SOX6: variants seen among roughly 807,000 people sequenced by gnomAD.
SOX6 encodes transcription factor SOX-6.
SOX6 carries 11 observed loss-of-function variants against 97.8 expected under a neutral mutation model. The ratio of observed to expected loss-of-function variants is 0.11; its 90% CI spans 0.07 to 0.19. SOX6 has a LOEUF of 0.19. SOX6 is among the 10% of genes least tolerant of loss of function. The probability of loss-of-function intolerance (pLI) is 1.00; values close to 1 mark genes in which losing one functional copy is unlikely to be tolerated. For missense variants in SOX6, 810 were observed against 1,039.5 expected, an observed-to-expected ratio of 0.78 and a Z score of 3.04; for synonymous variants, 360 against 371.4, an observed-to-expected ratio of 0.97 and a Z score of 0.35.
chr11:16,070,217 C>T (rs2133941192), intron 9 of SOX6, among the ~76,000 whole-genome samples: 1 of 152,046 alleles, frequency 6.6e-6, no homozygotes, highest in Non-Finnish European at 1.5e-5. Context: ...GCTAAAGGTC[C>T]TCTTGACTAT....
chr11:16,159,768 T>C (rs1204341538), intron 6 of SOX6, among the ~76,000 whole-genome samples: 3 of 152,150 alleles, frequency 2.0e-5, no homozygotes, highest in Admixed American at 2.0e-4. Context: ...TGCAGAACAA[T>C]CAGACTTTTG....
At chr11:16,165,400 G>A (rs1402085401) in intron 6 of SOX6, among the ~76,000 whole-genome samples, 1 of 151,992 alleles carries the variant, frequency 6.6e-6, no homozygotes, top group Non-Finnish European at 1.5e-5. Context: ...TTAAAGAATT[G>A]AACTAAATCT....
intron 4 of SOX6, among the ~76,000 whole-genome samples, chr11:16,189,808 AGAAGG>A (rs150612981): frequency 0.012 from 1,825 of 152,230 alleles, 34 homozygotes; most frequent in African/African-American, 0.041. Context: ...ATAAGTTAAG[AGAAGG>A]TTTATTGGAT....
At chr11:16,656,938 C>A (rs992600854) in intron 3 of SOX6, among the ~76,000 whole-genome samples, 4 of 152,172 alleles carry the variant, frequency 2.6e-5, no homozygotes, top group Middle Eastern at 3.2e-3. Context: ...ATGTTTGTTA[C>A]AACTGATGAA....
chr11:16,561,159 G>A (rs905725419), intron 4 of SOX6, among the ~76,000 whole-genome samples: 1 of 152,058 alleles, frequency 6.6e-6, no homozygotes, highest in Non-Finnish European at 1.5e-5. Flanking sequence ...CAGAAATAAA[G>A]GGGAGGAATA....
chr11:16,569,368 T>C (rs1387310426), intron 4 of SOX6, among the ~76,000 whole-genome samples: 1 of 152,164 alleles, frequency 6.6e-6, no homozygotes, highest in East Asian at 1.9e-4. Context: ...GAAATTCAAA[T>C]ATCAACCACA....
intron 1 of SOX6, among the ~76,000 whole-genome samples, chr11:16,393,274 G>A (rs1216983275): frequency 2.6e-5 from 4 of 151,982 alleles, no homozygotes; most frequent in Admixed American, 2.6e-4. Context: ...CCAGGAAAGA[G>A]TAAGAAACTG....
chr11:16,068,701 T>G (rs1848151041), intron 9 of SOX6, among the ~76,000 whole-genome samples: 1 of 152,172 alleles, frequency 6.6e-6, no homozygotes, highest in South Asian at 2.1e-4. Context: ...ATTTTTTCCT[T>G]TCTTATTAAA....
chr11:16,188,414 A>G (rs1851540580), intron 4 of SOX6, among the ~76,000 whole-genome samples: 1 of 152,130 alleles, frequency 6.6e-6, no homozygotes, highest in Admixed American at 6.6e-5. Flanking sequence ...CCTGGAATTT[A>G]TTAAAAGAAA....
intron 9 of SOX6, among the ~76,000 whole-genome samples, chr11:16,071,350 G>A (rs942951399): frequency 6.6e-6 from 1 of 152,232 alleles, no homozygotes; most frequent in African/African-American, 2.4e-5. Context: ...TAGCCCAGTG[G>A]TCTCACTTCT....
intron 4 of SOX6, among the ~76,000 whole-genome samples, chr11:16,583,016 T>A (rs1848045141): frequency 2.0e-5 from 3 of 152,132 alleles, no homozygotes; most frequent in Admixed American, 2.0e-4. Flanking sequence ...AGATACAGAT[T>A]CATATATACA....
chr11:16,549,855 G>A (rs533575569), intron 4 of SOX6, among the ~76,000 whole-genome samples: 2 of 152,240 alleles, frequency 1.3e-5, no homozygotes, highest in African/African-American at 4.8e-5. Flanking sequence ...GGCTATGTAC[G>A]TACTTTATGA....
intron 13 of SOX6, among the ~76,000 whole-genome samples, chr11:16,004,001 A>G (rs1283997360): frequency 6.6e-6 from 1 of 151,662 alleles, no homozygotes; most frequent in East Asian, 1.9e-4. Flanking sequence ...GGGTGTGTGT[A>G]AATATATATA....
intron 3 of SOX6, among the ~76,000 whole-genome samples, chr11:16,239,424 C>T (rs1042501730): frequency 2.0e-5 from 3 of 151,974 alleles, no homozygotes; most frequent in African/African-American, 2.4e-5. Flanking sequence ...GACAGAAAGA[C>T]AGCGGAGTGG....
intron 13 of SOX6, among the ~76,000 whole-genome samples, chr11:15,998,805 A>G (rs1245690934): frequency 6.6e-6 from 1 of 152,150 alleles, no homozygotes; most frequent in Non-Finnish European, 1.5e-5. Flanking sequence ...AAATCAAGAA[A>G]GAAAAAACTA....
chr11:16,068,824 C>A (rs1378310), intron 9 of SOX6, among the ~76,000 whole-genome samples: 34 of 152,164 alleles, frequency 2.2e-4, no homozygotes, highest in Non-Finnish European at 2.5e-4. Flanking sequence ...ATAGCTCAAC[C>A]TTTGACCCTG....
chr11:15,990,475 G>T (rs1854014967), intron 13 of SOX6, among the ~76,000 whole-genome samples: 1 of 151,672 alleles, frequency 6.6e-6, no homozygotes, highest in African/African-American at 2.4e-5. Context: ...TAGGGCAAGG[G>T]ATGGGTCTTA....
intron 4 of SOX6, among the ~76,000 whole-genome samples, chr11:16,603,964 C>G (rs1188051771): frequency 3.3e-5 from 5 of 152,228 alleles, no homozygotes; most frequent in Non-Finnish European, 7.3e-5. Context: ...CGGCCAAGCC[C>G]GTGCCTGCGG....
chr11:16,663,628 G>T lies in SOX6; in HGVS notation n.429+51202C>A, dbSNP rs4275610. ...ACCATGCCCAGCCTATTTTTAAAAA[G>T]TCTAAGAAATCTACCAATCATGAGA... On this transcript the variant is annotated intron_variant and non_coding_transcript_variant, in intron 3 of 5. Coordinates refer to the SOX6 transcript ENST00000524520. 7.9e-3 allele frequency among the ~76,000 whole-genome samples: 1,196 copies of T among 152,226 alleles called. 13 individuals carry two copies. Among genetic ancestry groups the T allele is most frequent in the African/African-American group, 0.027 (1,140 of 41,532 alleles).
Sources: gnomAD v4.1 joint callset for allele counts (sites outside exome capture counted in the v4.1 genomes callset) on GRCh38, gnomAD v4.1.1 for gene constraint, MANE v1.5 for transcripts, NCBI Gene and HGNC (gene_info 2026-07-23, HGNC 2026-07-21) for gene names.